Variants in RIT2 observed in about 807,000 individuals in gnomAD.
RIT2 encodes the protein GTP-binding protein Rit2.
In RIT2, 24 loss-of-function variants were observed where a neutral mutation model predicts 23.7. The observed-to-expected ratio is 1.01, with a 90% CI of 0.73 to 1.43. The LOEUF is 1.43. RIT2 is among the 40% of genes most tolerant of loss of function. RIT2 has a pLI of 0.00. For synonymous variants in RIT2, 107 were observed against 91.1 expected (o/e 1.17, Z -0.99); for missense variants, 236 against 266.9 (o/e 0.88, Z 0.81).
At chr18:42,944,616 A>G (rs759087334) in intron 3 of RIT2, among the ~76,000 whole-genome samples, 43 of 152,120 alleles carry the variant, frequency 2.8e-4, no homozygotes, top group Non-Finnish European at 7.4e-5. Context: ...ATGAATTTTT[A>G]TCAGGTATCG....
At chr18:43,100,514 C>T (rs1290683490) in intron 1 of RIT2, among the ~76,000 whole-genome samples, 3 of 152,098 alleles carry the variant, frequency 2.0e-5, no homozygotes, top group African/African-American at 7.2e-5. Flanking sequence ...ACCACTCTAG[C>T]TGCTGTGTTA....
In RIT2 at chr18:42,751,622, A is replaced by C. The variant is rs189082446; in HGVS notation, c.427-7902T>G. ...TTTGTAGCAGGCCGAAGTATACTTA[A>C]ATTGTGCCTACTCATTACTTTGATA... On this transcript the variant is annotated intron_variant, in intron 4 of 4. Transcript: ENST00000326695. Among the ~76,000 whole-genome samples the C allele has an allele frequency of 2.0e-4, 30 of 152,096 alleles. No homozygotes were observed. In the East Asian group the frequency reaches 5.2e-3, roughly 26 times the overall value.
intron 4 of RIT2, among the ~76,000 whole-genome samples, chr18:42,916,626 A>G (rs890384902): frequency 1.3e-5 from 2 of 152,118 alleles, no homozygotes; most frequent in East Asian, 3.9e-4. Context: ...AGAGTGTATT[A>G]GAAGAATAAT....
At chr18:42,958,441 T>C (rs1043031307) in intron 3 of RIT2, among the ~76,000 whole-genome samples, 1 of 152,104 alleles carries the variant, frequency 6.6e-6, no homozygotes, top group Non-Finnish European at 1.5e-5. Flanking sequence ...CTGATTAGTA[T>C]AGAAGCTTCA....
intron 4 of RIT2, among the ~76,000 whole-genome samples, chr18:42,775,236 A>G (rs1913640375): frequency 6.6e-6 from 1 of 152,150 alleles, no homozygotes; most frequent in Admixed American, 6.5e-5. Flanking sequence ...AAGGCTAATC[A>G]CTATGCTAGA....
At chr18:42,959,877 G>A (rs929947756) in intron 3 of RIT2, among the ~76,000 whole-genome samples, 1 of 152,180 alleles carries the variant, frequency 6.6e-6, no homozygotes, top group Non-Finnish European at 1.5e-5. Flanking sequence ...AGATGAACAG[G>A]CATGTGGAGA....
chr18:42,849,311 TG>T (rs1034666814), intron 4 of RIT2, among the ~76,000 whole-genome samples: 4 of 152,226 alleles, frequency 2.6e-5, no homozygotes, highest in Admixed American at 6.5e-5. Context: ...TCATACATGT[TG>T]TGCGCCAATA....
chr18:42,961,661 G>T (rs746691553), intron 3 of RIT2, among the ~76,000 whole-genome samples: 1 of 152,156 alleles, frequency 6.6e-6, no homozygotes, highest in African/African-American at 2.4e-5. Context: ...CCCTATTAAT[G>T]AGTTGACTTC....
At chr18:42,799,261 G>C (rs1405310087) in intron 4 of RIT2, among the ~76,000 whole-genome samples, 1 of 152,154 alleles carries the variant, frequency 6.6e-6, no homozygotes, top group African/African-American at 2.4e-5. Context: ...AGCTAAAAGA[G>C]TGTTACAGAA....
At chr18:42,820,524 G>A (rs1906118322) in intron 4 of RIT2, among the ~76,000 whole-genome samples, 1 of 152,102 alleles carries the variant, frequency 6.6e-6, no homozygotes, top group Admixed American at 6.6e-5. Context: ...GTGGAACCGT[G>A]GAAGGGACTG....
At chr18:42,850,936 T>TA (rs1391844988) in intron 4 of RIT2, among the ~76,000 whole-genome samples, 11 of 152,220 alleles carry the variant, frequency 7.2e-5, no homozygotes, top group Non-Finnish European at 1.5e-4. Context: ...TTTCTCAACC[T>TA]ACTCTATAAT....
rs545468257 is a variant in RIT2 at position 42,974,683 on chromosome 18, A to G, written c.161-536T>C. Among the ~76,000 whole-genome samples, 312 of 152,208 alleles carry G rather than the reference A, an allele frequency of 2.0e-3. 2 individuals carry two copies. The highest frequency in any genetic ancestry group is 7.0e-3 in the African/African-American group (291 of 41,566). ...ATATGTAGAACCCTAAAGATTACATACATGCAAACCCTAAATGAATTCAGC... is the reference window on the plus strand; with the variant it reads ...ATATGTAGAACCCTAAAGATTACATGCATGCAAACCCTAAATGAATTCAGC... On this transcript the variant is annotated intron_variant, in intron 2 of 4. Transcript: ENST00000326695.
At chr18:42,916,040 A>G (rs1350950020) in intron 4 of RIT2, among the ~76,000 whole-genome samples, 3 of 151,958 alleles carry the variant, frequency 2.0e-5, no homozygotes, top group African/African-American at 7.2e-5. Context: ...ATTATCCTTC[A>G]TGCACTTCAT....
intron 1 of RIT2, among the ~76,000 whole-genome samples, chr18:43,041,517 T>A (rs1382506545): frequency 1.3e-5 from 2 of 152,150 alleles, no homozygotes; most frequent in Admixed American, 6.5e-5. Flanking sequence ...ATATGTTATG[T>A]AAATGTAGTG....
chr18:42,798,120 G>C (rs988014366), intron 4 of RIT2, among the ~76,000 whole-genome samples: 1 of 152,140 alleles, frequency 6.6e-6, no homozygotes, highest in African/African-American at 2.4e-5. Context: ...TATCCCAATA[G>C]AAATTTTGCC....
At chr18:42,978,395 T>C (rs1275648402) in intron 2 of RIT2, among the ~76,000 whole-genome samples, 3 of 151,814 alleles carry the variant, frequency 2.0e-5, no homozygotes, top group Admixed American at 2.0e-4. Context: ...CCATAGAAAC[T>C]AATCCTTTTC....
intron 4 of RIT2, among the ~76,000 whole-genome samples, chr18:42,778,286 G>T (rs1913722193): frequency 6.6e-6 from 1 of 152,134 alleles, no homozygotes; most frequent in African/African-American, 2.4e-5. Context: ...AGAAAATGTG[G>T]CAGCTCCAGA....
chr18:42,804,080 G>A (rs1310954382), intron 4 of RIT2, among the ~76,000 whole-genome samples: 1 of 152,172 alleles, frequency 6.6e-6, no homozygotes, highest in Non-Finnish European at 1.5e-5. Flanking sequence ...TTGAAGAATA[G>A]AGCCACATCT....
At position 42,839,061 on chromosome 18, in the gene RIT2, T is replaced by C. The variant is rs577650193; in HGVS notation, c.426+84511A>G. On this transcript the variant is annotated intron_variant, in intron 4 of 4. Transcript: ENST00000326695. ...AAATGCTAACATGACAGAAAGTTAG[T>C]AAACATATTAAAAATCTTCCCTCAT... is the stretch of plus-strand genomic sequence containing the variant. Among the ~76,000 whole-genome samples, 5 of 152,240 alleles carry C rather than the reference T, an allele frequency of 3.3e-5. No individual in the cohort carries two copies. The South Asian group carries it at 1.0e-3, about 32-fold the overall frequency.
Sources: gnomAD v4.1 joint callset for allele counts (sites outside exome capture counted in the v4.1 genomes callset) on GRCh38, gnomAD v4.1.1 for gene constraint, MANE v1.5 for transcripts, NCBI Gene and HGNC (gene_info 2026-07-23, HGNC 2026-07-21) for gene names.